TSC22D1: variants seen among roughly 807,000 people sequenced by gnomAD.
TSC22D1 encodes the protein TSC22 domain family protein 1.
Under a neutral mutation model 74.2 loss-of-function variants are expected in TSC22D1, and 9 were observed. The ratio of observed to expected loss-of-function variants is 0.12; its 90% CI spans 0.07 to 0.21. TSC22D1 has a LOEUF of 0.21. TSC22D1 is among the 10% of genes least tolerant of loss of function. TSC22D1 has a pLI of 1.00. For synonymous variants in TSC22D1, 586 were observed against 492.5 expected, an observed-to-expected ratio of 1.19 and a Z score of -2.51; for missense variants, 1,427 against 1,304.7, an observed-to-expected ratio of 1.09 and a Z score of -1.44.
rs375293948 is a variant in TSC22D1 at position 44,573,492 on chromosome 13, A to G, written c.2583T>C (p.Pro861=). The part of the protein sequence containing the change: ...LVPPQNIAQT[P]ATQNGNLVQS... ...GAACCAAATTACCATTTTGGGTAGC[A>G]GGGGTTTGTGCTATATTTTGTGGTG... is the stretch of plus-strand genomic sequence containing the variant. Residue 861 remains proline (P), a synonymous_variant, in exon 1 of 3, where the codon CCT becomes CCC. Transcript: ENST00000458659. 72 of 1,614,132 alleles carry G rather than the reference A, an allele frequency of 4.5e-5. No homozygotes were observed. The highest frequency in any genetic ancestry group is 5.5e-5 in the Non-Finnish European group (65 of 1,180,056).
At chr13:44,461,682 G>A (rs574086498) in intron 1 of TSC22D1, among the ~76,000 whole-genome samples, 1 of 152,304 alleles carries the variant, frequency 6.6e-6, no homozygotes, top group East Asian at 1.9e-4. Flanking sequence ...AATAATTACA[G>A]TATGGTGGGA....
At chr13:44,567,217 T>G (rs1343248152) in intron 1 of TSC22D1, among the ~76,000 whole-genome samples, 2 of 152,068 alleles carry the variant, frequency 1.3e-5, no homozygotes, top group African/African-American at 4.8e-5. Context: ...GGCCTTCAAT[T>G]CCAAGCAAGA....
intron 1 of TSC22D1, chr13:44,537,631 T>C (rs957849113): frequency 5.0e-5 from 49 of 984,636 alleles, no homozygotes; most frequent in East Asian, 3.4e-4. Context: ...TGTAAACCAA[T>C]TGTCTTATTA....
intron 1 of TSC22D1, among the ~76,000 whole-genome samples, chr13:44,466,884 C>T (rs1420105759): frequency 2.0e-5 from 3 of 152,026 alleles, no homozygotes; most frequent in Non-Finnish European, 2.9e-5. Flanking sequence ...CTGCTATGGC[C>T]GGGCATGGTG....
intron 1 of TSC22D1, among the ~76,000 whole-genome samples, chr13:44,473,605 ATGTGTGTG>A (rs3046032): frequency 6.6e-6 from 1 of 151,216 alleles, no homozygotes; most frequent in South Asian, 2.1e-4. Context: ...AGCAGTATAT[ATGTGTGTG>A]TGTGTGTGTG....
chr13:44,454,939 A>T (rs914013897), intron 1 of TSC22D1, among the ~76,000 whole-genome samples: 2 of 152,216 alleles, frequency 1.3e-5, no homozygotes, highest in Non-Finnish European at 2.9e-5. Flanking sequence ...AAAATAATAA[A>T]AATTCAACAA....
At chr13:44,454,175 A>T (rs931657051) in intron 1 of TSC22D1, among the ~76,000 whole-genome samples, 3 of 152,162 alleles carry the variant, frequency 2.0e-5, no homozygotes, top group Non-Finnish European at 2.9e-5. Flanking sequence ...TTCTAAAAAA[A>T]CTTTGGCTTT....
At chr13:44,459,118 G>A (rs915908294) in intron 1 of TSC22D1, among the ~76,000 whole-genome samples, 3 of 152,162 alleles carry the variant, frequency 2.0e-5, no homozygotes, top group South Asian at 2.1e-4. Flanking sequence ...ACTCATGGCC[G>A]TCCATGGACC....
chr13:44,523,109 A>C (rs1438662284), intron 1 of TSC22D1, among the ~76,000 whole-genome samples: 1 of 152,138 alleles, frequency 6.6e-6, no homozygotes, highest in African/African-American at 2.4e-5. Context: ...AATGGATACT[A>C]CCACACCCCT....
At chr13:44,507,801 C>T (rs532290587) in intron 1 of TSC22D1, among the ~76,000 whole-genome samples, 29 of 152,254 alleles carry the variant, frequency 1.9e-4, no homozygotes, top group African/African-American at 6.7e-4. Context: ...ATTCATTCTC[C>T]CGAATCTTTG....
chr13:44,576,338 A>G, upstream of TSC22D1: 2 of 476,414 alleles, frequency 4.2e-6, no homozygotes, highest in Non-Finnish European at 3.7e-6. Flanking sequence ...TTTCCCCTCT[A>G]GCCTCACACC....
intron 1 of TSC22D1, among the ~76,000 whole-genome samples, chr13:44,547,942 A>G (rs999915322): frequency 6.6e-6 from 1 of 152,288 alleles, no homozygotes; most frequent in East Asian, 1.9e-4. Flanking sequence ...GGAACTTGCC[A>G]CTGTGTGCAT....
At chr13:44,526,931 TAAAG>T (rs958983027) in intron 1 of TSC22D1, among the ~76,000 whole-genome samples, 14 of 152,082 alleles carry the variant, frequency 9.2e-5, no homozygotes, top group African/African-American at 2.9e-4. Context: ...AAAAGATACT[TAAAG>T]AAGCCACAGA....
At chr13:44,547,317 T>A (rs1881890356) in intron 1 of TSC22D1, among the ~76,000 whole-genome samples, 1 of 152,146 alleles carries the variant, frequency 6.6e-6, no homozygotes, top group Non-Finnish European at 1.5e-5. Flanking sequence ...AGTAACCAGA[T>A]GTTAATAGTC....
intron 1 of TSC22D1, among the ~76,000 whole-genome samples, chr13:44,476,666 A>C (rs1395422654): frequency 6.6e-6 from 1 of 152,080 alleles, no homozygotes; most frequent in African/African-American, 2.4e-5. Flanking sequence ...TAAAAATCAA[A>C]TTTCTTTTTA....
At chr13:44,569,328 T>C (rs1465810146) in intron 1 of TSC22D1, among the ~76,000 whole-genome samples, 1 of 152,142 alleles carries the variant, frequency 6.6e-6, no homozygotes, top group Non-Finnish European at 1.5e-5. Flanking sequence ...ACATATCTAG[T>C]GGTAAGACAA....
intron 1 of TSC22D1, among the ~76,000 whole-genome samples, chr13:44,462,573 T>A (rs979980839): frequency 6.6e-6 from 1 of 152,174 alleles, no homozygotes; most frequent in East Asian, 1.9e-4. Flanking sequence ...AGCCTACAAA[T>A]GGCAATGTGT....
intron 1 of TSC22D1, among the ~76,000 whole-genome samples, chr13:44,565,546 C>T (rs1310966876): frequency 6.6e-6 from 1 of 152,022 alleles, no homozygotes; most frequent in African/African-American, 2.4e-5. Flanking sequence ...TATAAAGATA[C>T]TTTAAAATTT....
At chr13:44,561,703 G>A (rs1566176477) in intron 1 of TSC22D1, among the ~76,000 whole-genome samples, 1 of 151,880 alleles carries the variant, frequency 6.6e-6, no homozygotes, top group African/African-American at 2.4e-5. Flanking sequence ...TTTCTACCTT[G>A]TTATACTTTT....
Sources: gnomAD v4.1 joint callset for allele counts (sites outside exome capture counted in the v4.1 genomes callset) on GRCh38, gnomAD v4.1.1 for gene constraint, MANE v1.5 for transcripts, NCBI Gene and HGNC (gene_info 2026-07-23, HGNC 2026-07-21) for gene names.